The following SORCS1 variants were observed in gnomAD, a reference collection of about 807,000 sequenced individuals.
SORCS1 encodes the protein sortilin related VPS10 domain containing receptor 1.
SORCS1 carries 60 observed loss-of-function variants against 146.1 expected under a neutral mutation model. The observed-to-expected ratio is 0.41, with a 90% confidence interval of 0.33 to 0.51. The LOEUF is 0.51. Among genes scored for constraint, SORCS1 ranks in the 20% least tolerant of loss-of-function variants. The pLI is 0.21. For synonymous variants in SORCS1, 637 were observed against 584.0 expected (o/e 1.09, Z -1.31); for missense variants, 1,352 against 1,487.6 (o/e 0.91, Z 1.50).
At chr10:107,176,158 T>C in the SORCS1 span, among the ~76,000 whole-genome samples, 2 of 152,112 alleles carry the variant, frequency 1.3e-5, no homozygotes, top group South Asian at 2.1e-4. Context: ...AATATCTCCA[T>C]TGTTATTTCT....
At chr10:107,020,629 T>C (rs538245387) in intron 1 of SORCS1, among the ~76,000 whole-genome samples, 1 of 152,308 alleles carries the variant, frequency 6.6e-6, no homozygotes, top group South Asian at 2.1e-4. Context: ...CAAGCCCTCA[T>C]GCAGTGTGGG....
rs565066610 is a variant in SORCS1, at chr10:106,705,541, A to T, written c.1233+1004T>A. Among the ~76,000 whole-genome samples, 37 of 152,342 alleles carry T rather than the reference A, an allele frequency of 2.4e-4. 1 individual carries two copies. The South Asian group carries it at 6.8e-3, about 28-fold the overall frequency. Reference sequence around the variant, plus strand: ...GAGAAAGAGGCATGGCAACTCAATTAAAAAAAGTTAGGTATGTTCTTTGTG... The same window carrying T: ...GAGAAAGAGGCATGGCAACTCAATTTAAAAAAGTTAGGTATGTTCTTTGTG... On this transcript the variant is annotated intron_variant, in intron 8 of 25. Transcript: ENST00000263054.
chr10:106,676,550 T>C (rs1852041086), intron 13 of SORCS1, among the ~76,000 whole-genome samples: 1 of 152,146 alleles, frequency 6.6e-6, no homozygotes, highest in South Asian at 2.1e-4. Context: ...GAGAATAATA[T>C]ACTGGTGAGG....
intron 3 of SORCS1, among the ~76,000 whole-genome samples, chr10:106,827,205 TC>T (rs1382578239): frequency 2.3e-5 from 1 of 44,332 alleles, no homozygotes; most frequent in African/African-American, 7.1e-5. Context: ...ATATTTGGCA[TC>T]TTTTTTTTTT....
rs56775391 is a variant in SORCS1 at position 107,051,699 on chromosome 10, G to C, written c.559-95119C>G. ...TCTTAAAATAAGATTGAACTAATTT[G>C]TACTGGCTTGCATGTCTGTGCCAAG... On this transcript the variant is annotated intron_variant, in intron 1 of 25. Coordinates refer to ENST00000263054, the MANE Select transcript of SORCS1 (RefSeq NM_052918.5). 6.6e-3 allele frequency among the ~76,000 whole-genome samples: 1,003 copies of C among 152,178 alleles called. 17 individuals are homozygous for C. Among genetic ancestry groups the C allele is most frequent in the African/African-American group, 0.023 (952 of 41,512 alleles).
intron 3 of SORCS1, among the ~76,000 whole-genome samples, chr10:106,814,739 C>T (rs966670330): frequency 2.0e-5 from 3 of 151,648 alleles, no homozygotes; most frequent in African/African-American, 4.8e-5. Context: ...GTGGTGAAAC[C>T]GCGTCTCTAC....
chr10:106,712,393 G>C (rs1410907449), intron 6 of SORCS1, among the ~76,000 whole-genome samples: 1 of 152,226 alleles, frequency 6.6e-6, no homozygotes, highest in East Asian at 1.9e-4. Flanking sequence ...TACCTGGGAG[G>C]CCTGATGGTT....
At chr10:106,739,346 G>T (rs577312228) in intron 5 of SORCS1, among the ~76,000 whole-genome samples, 1 of 151,942 alleles carries the variant, frequency 6.6e-6, no homozygotes, top group East Asian at 1.9e-4. Context: ...TTATCCTGGC[G>T]TGGTGGCACA....
chr10:106,948,657 A>C (rs1026562632), intron 2 of SORCS1, among the ~76,000 whole-genome samples: 5 of 151,960 alleles, frequency 3.3e-5, no homozygotes, highest in African/African-American at 1.2e-4. Context: ...GTTTCTTAAA[A>C]AAAAAAAAAA....
chr10:106,802,394 C>A (rs553638426), intron 3 of SORCS1, among the ~76,000 whole-genome samples: 1 of 151,956 alleles, frequency 6.6e-6, no homozygotes, highest in Non-Finnish European at 1.5e-5. Context: ...TGCAGTGACA[C>A]GATCACAGCT....
chr10:106,683,240 A>T (rs1467954676), intron 10 of SORCS1, among the ~76,000 whole-genome samples: 1 of 152,228 alleles, frequency 6.6e-6, no homozygotes, highest in Non-Finnish European at 1.5e-5. Context: ...ATGTCTGCTG[A>T]ATTTAACTGA....
chr10:106,989,689 T>TTTTTTG (rs1956680039), intron 1 of SORCS1, among the ~76,000 whole-genome samples: 2 of 142,250 alleles, frequency 1.4e-5, no homozygotes, highest in African/African-American at 5.7e-5. Context: ...TGTTTTTTTT[T>TTTTTTG]TTTTTTTTTT....
At chr10:106,829,793 G>T in intron 2 of SORCS1, 120 bp from the exon 3 acceptor site, 1 of 615,178 alleles carries the variant, frequency 1.6e-6, no homozygotes, top group Non-Finnish European at 2.8e-6. Context: ...GATTCATGTA[G>T]TATATAATGA....
In SORCS1 at chr10:106,989,670, G is replaced by GTTTTTTTTTTTTTTTTTTTTTTTT. The variant is rs1335278625; in HGVS notation, c.559-33091_559-33090insAAAAAAAAAAAAAAAAAAAAAAAA. On this transcript the variant is annotated intron_variant, in intron 1 of 25. Coordinates refer to ENST00000263054, the MANE Select transcript of SORCS1 (RefSeq NM_052918.5). ...CTCTTTATATACTCATATTTTTTCT[G>GTTTTTTTTTTTTTTTTTTTTTTTT]TTTTTTTTTGTTTTTTTTTTTTTTT... 2.6e-5 allele frequency among the ~76,000 whole-genome samples: 3 copies of GTTTTTTTTTTTTTTTTTTTTTTTT among 116,450 alleles called. 1 individual carries two copies. The highest frequency in any genetic ancestry group is 1.4e-4 in the African/African-American group (3 of 22,172). The allele number at this position is 116,450 out of a possible 152,430, so 76.4% of individuals were successfully genotyped here.
intron 2 of SORCS1, among the ~76,000 whole-genome samples, chr10:106,838,325 A>G (rs184221323): frequency 3.7e-4 from 56 of 152,256 alleles, no homozygotes; most frequent in African/African-American, 1.3e-3. Context: ...AGAGTGGAAA[A>G]TAAGTAGTTC....
At chr10:106,961,778 G>C (rs1056487469) in intron 1 of SORCS1, among the ~76,000 whole-genome samples, 1 of 152,176 alleles carries the variant, frequency 6.6e-6, no homozygotes, top group Admixed American at 6.5e-5. Flanking sequence ...CTAGAGATTT[G>C]TGAATAGCCC....
At chr10:106,905,754 A>G (rs1951882748) in intron 2 of SORCS1, among the ~76,000 whole-genome samples, 1 of 152,194 alleles carries the variant, frequency 6.6e-6, no homozygotes, top group African/African-American at 2.4e-5. Flanking sequence ...CAGAGGGTGC[A>G]TGTTTACACA....
intron 2 of SORCS1, among the ~76,000 whole-genome samples, chr10:106,859,487 G>A (rs1475787000): frequency 4.6e-5 from 7 of 152,162 alleles, no homozygotes; most frequent in African/African-American, 1.2e-4. Flanking sequence ...TCCGCCTCCC[G>A]GGCTCAAGCG....
intron 3 of SORCS1, among the ~76,000 whole-genome samples, chr10:106,827,744 G>T (rs912553664): frequency 2.0e-5 from 3 of 152,198 alleles, no homozygotes; most frequent in African/African-American, 7.2e-5. Flanking sequence ...GCCAATTAAG[G>T]GAAGATAGGA....
Sources: allele counts gnomAD v4.1 joint callset (sites outside exome capture counted in the v4.1 genomes callset), GRCh38; gene constraint gnomAD v4.1.1; transcripts MANE v1.5; gene names NCBI Gene and HGNC (gene_info 2026-07-23, HGNC 2026-07-21).